Variants in FSTL5 observed in about 807,000 individuals in gnomAD.
FSTL5 encodes the protein follistatin-related protein 5.
Under a neutral mutation model 89.1 loss-of-function variants are expected in FSTL5, and 62 were observed. The ratio of observed to expected loss-of-function variants is 0.70; its 90% CI spans 0.57 to 0.86. FSTL5 has a LOEUF of 0.86. Ranked by LOEUF, FSTL5 falls within the 40% of genes least tolerant of loss-of-function variation. The pLI, the probability that FSTL5 is intolerant of heterozygous loss-of-function variation, is 0.00. For missense variants in FSTL5, 1,057 were observed against 1,001.6 expected (o/e 1.06, Z -0.75); for synonymous variants, 383 against 346.2 (o/e 1.11, Z -1.18).
chr4:161,473,635 T>C (rs1371544542), intron 13 of FSTL5, among the ~76,000 whole-genome samples: 2 of 152,112 alleles, frequency 1.3e-5, no homozygotes, highest in Admixed American at 6.6e-5. Context: ...TCTCACTATG[T>C]TGTCCAGGTA....
At chr4:161,764,868 A>T (rs1414964038) in intron 5 of FSTL5, among the ~76,000 whole-genome samples, 1 of 152,212 alleles carries the variant, frequency 6.6e-6, no homozygotes, top group African/African-American at 2.4e-5. Flanking sequence ...AAATGTTAAT[A>T]CTATAGTTAC....
chr4:162,138,101 C>T (rs12505709), intron 1 of FSTL5, among the ~76,000 whole-genome samples: 35,321 of 151,858 alleles, frequency 0.23, 4,297 homozygotes, highest in Non-Finnish European at 0.26. Flanking sequence ...AAAGCAACAC[C>T]ATGAAAGCAG....
chr4:161,657,447 C>T (rs981599238), intron 6 of FSTL5, among the ~76,000 whole-genome samples: 2 of 152,104 alleles, frequency 1.3e-5, no homozygotes, highest in Non-Finnish European at 2.9e-5. Context: ...ACTTAAATGT[C>T]GATGTAGAGG....
At chr4:161,658,714 T>C (rs143886700) in intron 6 of FSTL5, among the ~76,000 whole-genome samples, 1 of 152,288 alleles carries the variant, frequency 6.6e-6, no homozygotes, top group East Asian at 1.9e-4. Flanking sequence ...TTTTTTAATG[T>C]TACAAACTTA....
chr4:161,669,300 C>A (rs1737013347), intron 6 of FSTL5, among the ~76,000 whole-genome samples: 1 of 151,926 alleles, frequency 6.6e-6, no homozygotes, highest in African/African-American at 2.4e-5. Context: ...ACAAATGAAT[C>A]CTGAGGTGTC....
chr4:161,954,794 G>A (rs900388170), intron 3 of FSTL5, among the ~76,000 whole-genome samples: 1 of 151,492 alleles, frequency 6.6e-6, no homozygotes, highest in South Asian at 2.1e-4. Flanking sequence ...TGTTTCAAAT[G>A]TCTTTAGCAA....
intron 4 of FSTL5, among the ~76,000 whole-genome samples, chr4:161,874,061 T>C (rs946316358): frequency 6.6e-6 from 1 of 152,100 alleles, no homozygotes; most frequent in African/African-American, 2.4e-5. Context: ...TATGCTTTGA[T>C]ATGGTACTAT....
At chr4:162,066,308 C>CTTCTTCTTCT (rs796996376) in intron 2 of FSTL5, among the ~76,000 whole-genome samples, 1,672 of 34,846 alleles carry the variant, frequency 0.048, 17 homozygotes, top group Middle Eastern at 0.12. Flanking sequence ...TTTTCTTCTT[C>CTTCTTCTTCT]TTCTTCTTCT....
Position 161,976,292 on chromosome 4 carries a change from T to C in FSTL5, c.161-55640A>G, listed in dbSNP as rs537734516. On this transcript the variant is annotated intron_variant, in intron 3 of 15. Transcript: ENST00000306100. Reference sequence around the variant, plus strand: ...TGACTTTCTTCACTACATCAAATCATGAAGATCTCTCTTTGATGATCCTTG... The same window carrying C: ...TGACTTTCTTCACTACATCAAATCACGAAGATCTCTCTTTGATGATCCTTG... 3.3e-5 allele frequency among the ~76,000 whole-genome samples: 5 copies of C among 152,204 alleles called. No individual in the cohort carries two copies. The East Asian group carries it at 9.7e-4, about 29-fold the overall frequency.
intron 4 of FSTL5, among the ~76,000 whole-genome samples, chr4:161,887,180 T>G (rs1256944055): frequency 6.6e-6 from 1 of 152,116 alleles, no homozygotes; most frequent in Non-Finnish European, 1.5e-5. Flanking sequence ...CAGCCAGTTA[T>G]TTAAGCACAA....
At chr4:161,686,912 T>G (rs1579021319) in intron 6 of FSTL5, among the ~76,000 whole-genome samples, 1 of 152,168 alleles carries the variant, frequency 6.6e-6, no homozygotes, top group East Asian at 1.9e-4. Flanking sequence ...TGTGACCTGT[T>G]AAAATGAATT....
At chr4:161,687,816 A>G (rs1737797825) in intron 6 of FSTL5, among the ~76,000 whole-genome samples, 1 of 152,198 alleles carries the variant, frequency 6.6e-6, no homozygotes, top group African/African-American at 2.4e-5. Flanking sequence ...GTGTTCCCCA[A>G]AACTCACAAG....
intron 3 of FSTL5, among the ~76,000 whole-genome samples, chr4:161,934,674 A>C (rs1734385092): frequency 6.6e-6 from 1 of 152,020 alleles, no homozygotes. Flanking sequence ...GGAGATATTA[A>C]TAGAACTGAT....
chr4:161,898,947 T>C (rs1419556542), intron 4 of FSTL5, among the ~76,000 whole-genome samples: 1 of 152,074 alleles, frequency 6.6e-6, no homozygotes. Context: ...GGATGTATTC[T>C]TTAGTGAGAT....
At chr4:161,579,735 A>G (rs1042392758) in intron 8 of FSTL5, among the ~76,000 whole-genome samples, 1 of 104,836 alleles carries the variant, frequency 9.5e-6, no homozygotes, top group Admixed American at 1.0e-4. Flanking sequence ...AACAAACAAA[A>G]AAAAAAAAAG....
intron 3 of FSTL5, among the ~76,000 whole-genome samples, chr4:161,938,486 C>T (rs919730278): frequency 6.6e-6 from 1 of 151,742 alleles, no homozygotes; most frequent in Non-Finnish European, 1.5e-5. Flanking sequence ...TTTTAAAATA[C>T]CATAAATTGG....
intron 4 of FSTL5, among the ~76,000 whole-genome samples, chr4:161,876,218 C>T (rs2126905383): frequency 6.6e-6 from 1 of 152,128 alleles, no homozygotes; most frequent in Middle Eastern, 3.4e-3. Context: ...TCAAAAATGC[C>T]CCAATGACAT....
chr4:162,091,278 T>C (rs1579019877), intron 2 of FSTL5, among the ~76,000 whole-genome samples: 1 of 152,182 alleles, frequency 6.6e-6, no homozygotes, highest in South Asian at 2.1e-4. Flanking sequence ...CCTGACTAAT[T>C]ACTGTATACT....
At chr4:161,618,530 T>A (rs1296729602) in intron 7 of FSTL5, among the ~76,000 whole-genome samples, 3 of 150,528 alleles carry the variant, frequency 2.0e-5, no homozygotes, top group Non-Finnish European at 4.4e-5. Flanking sequence ...GTTTTTAGCA[T>A]GAAGGGTTGT....
Sources: allele counts gnomAD v4.1 joint callset (sites outside exome capture counted in the v4.1 genomes callset), GRCh38; gene constraint gnomAD v4.1.1; transcripts MANE v1.5; gene names NCBI Gene and HGNC (gene_info 2026-07-23, HGNC 2026-07-21).